CNTNAP5: variants seen among roughly 807,000 people sequenced by gnomAD.
The protein encoded by CNTNAP5 is contactin associated protein family member 5.
In CNTNAP5, 72 loss-of-function variants were observed where a neutral mutation model predicts 150.2. The ratio of observed to expected loss-of-function variants is 0.48; its 90% CI spans 0.40 to 0.58. The LOEUF (loss-of-function observed/expected upper bound fraction) is 0.58. CNTNAP5 is among the 20% of genes least tolerant of loss of function. The probability of loss-of-function intolerance (pLI) is 0.00; values close to 1 mark genes in which losing one functional copy is unlikely to be tolerated. For missense variants in CNTNAP5, 1,636 were observed against 1,626.2 expected, an observed-to-expected ratio of 1.01 and a Z score of -0.10; for synonymous variants, 672 against 619.8, an observed-to-expected ratio of 1.08 and a Z score of -1.25.
At chr2:124,089,597 G>C (rs1043984015) in intron 1 of CNTNAP5, among the ~76,000 whole-genome samples, 1 of 152,178 alleles carries the variant, frequency 6.6e-6, no homozygotes, top group Admixed American at 6.5e-5. Flanking sequence ...TAGAATACTT[G>C]TGTGAGGTTA....
intron 1 of CNTNAP5, among the ~76,000 whole-genome samples, chr2:124,095,882 C>T (rs192634621): frequency 5.3e-5 from 8 of 152,198 alleles, no homozygotes; most frequent in Non-Finnish European, 2.9e-5. Flanking sequence ...CTTTAACACT[C>T]TTATGAGATA....
chr2:124,188,805 C>T (rs758900828), intron 1 of CNTNAP5, among the ~76,000 whole-genome samples: 16 of 149,938 alleles, frequency 1.1e-4, no homozygotes, highest in Non-Finnish European at 1.9e-4. Context: ...GAATTAGAGA[C>T]GGAGGGTTAT....
At chr2:124,068,874 G>T (rs1331479028) in intron 1 of CNTNAP5, among the ~76,000 whole-genome samples, 1 of 151,944 alleles carries the variant, frequency 6.6e-6, no homozygotes, top group African/African-American at 2.4e-5. Context: ...GGAACGATCT[G>T]GTCCTGGAGG....
chr2:124,781,018 C>T (rs1052893368), intron 17 of CNTNAP5, among the ~76,000 whole-genome samples: 6 of 152,224 alleles, frequency 3.9e-5, no homozygotes, highest in African/African-American at 7.2e-5. Flanking sequence ...GTGGGTGCTT[C>T]GGTGGAGTTT....
intron 23 of CNTNAP5, among the ~76,000 whole-genome samples, chr2:124,912,322 C>T (rs930630415): frequency 1.3e-5 from 2 of 152,052 alleles, no homozygotes. Flanking sequence ...ATGGCGTTTT[C>T]CTTTTAAAAA....
intron 18 of CNTNAP5, among the ~76,000 whole-genome samples, chr2:124,792,237 T>A (rs892550001): frequency 3.3e-5 from 5 of 152,196 alleles, no homozygotes; most frequent in Non-Finnish European, 7.3e-5. Flanking sequence ...TTTCTCATAA[T>A]GATACGAAGA....
intron 1 of CNTNAP5, among the ~76,000 whole-genome samples, chr2:124,084,283 T>C (rs79174436): frequency 2.0e-5 from 3 of 151,882 alleles, no homozygotes; most frequent in South Asian, 2.1e-4. Context: ...TTTTTTTTTT[T>C]CCTCACAGCG....
intron 1 of CNTNAP5, among the ~76,000 whole-genome samples, chr2:124,037,455 G>A (rs1367691230): frequency 6.6e-6 from 1 of 151,032 alleles, no homozygotes; most frequent in Non-Finnish European, 1.5e-5. Context: ...GCAGATTAAT[G>A]GATAAAAAGT....
chr2:124,436,348 G>C (rs1692531429), intron 5 of CNTNAP5, among the ~76,000 whole-genome samples: 1 of 152,062 alleles, frequency 6.6e-6, no homozygotes, highest in Admixed American at 6.6e-5. Context: ...GCATAGGTGT[G>C]GTCATGTAAC....
chr2:124,242,760 A>T (rs966679491), intron 3 of CNTNAP5, among the ~76,000 whole-genome samples: 1 of 152,202 alleles, frequency 6.6e-6, no homozygotes, highest in Admixed American at 6.6e-5. Flanking sequence ...TTAGTTTATT[A>T]TATGCCAGGC....
chr2:124,638,930 G>A (rs933276454), intron 12 of CNTNAP5, among the ~76,000 whole-genome samples: 3 of 152,178 alleles, frequency 2.0e-5, no homozygotes, highest in African/African-American at 7.2e-5. Flanking sequence ...ACCTATGGAT[G>A]TGTATTTAAT....
At chr2:124,356,618 C>T (rs1235293716) in intron 3 of CNTNAP5, among the ~76,000 whole-genome samples, 1 of 151,994 alleles carries the variant, frequency 6.6e-6, no homozygotes, top group Non-Finnish European at 1.5e-5. Flanking sequence ...CATCCATGTC[C>T]CTACAAAGGA....
intron 17 of CNTNAP5, among the ~76,000 whole-genome samples, chr2:124,784,784 C>CT (rs1681528893): frequency 6.6e-6 from 1 of 152,164 alleles, no homozygotes; most frequent in African/African-American, 2.4e-5. Flanking sequence ...TGACTCCAGG[C>CT]TTTGCCACAT....
chr2:124,200,003 A>G (rs1685681707), intron 1 of CNTNAP5, among the ~76,000 whole-genome samples: 2 of 152,086 alleles, frequency 1.3e-5, no homozygotes, highest in South Asian at 4.2e-4. Context: ...CCTCATTTGC[A>G]ATGTCAAGTG....
At chr2:124,046,265 T>A (rs1293056209) in intron 1 of CNTNAP5, among the ~76,000 whole-genome samples, 1 of 152,090 alleles carries the variant, frequency 6.6e-6, no homozygotes, top group Non-Finnish European at 1.5e-5. Context: ...AAGGAAAACT[T>A]CAGAGATGTC....
chr2:124,491,639 AC>A (rs1193775975), intron 7 of CNTNAP5, among the ~76,000 whole-genome samples: 6 of 152,096 alleles, frequency 3.9e-5, no homozygotes, highest in African/African-American at 1.4e-4. Flanking sequence ...TGGCAGATCT[AC>A]CTTTTGGTTT....
intron 3 of CNTNAP5, among the ~76,000 whole-genome samples, chr2:124,370,853 T>C (rs991285922): frequency 6.6e-6 from 1 of 152,166 alleles, no homozygotes; most frequent in Non-Finnish European, 1.5e-5. Flanking sequence ...ATTTATTTCA[T>C]AAAACTTTTA....
In CNTNAP5 at chr2:124,194,439, G is replaced by C. The variant is rs1178908947; in HGVS notation, c.83-27266G>C. 2.1e-5 allele frequency among the ~76,000 whole-genome samples: 3 copies of C among 143,488 alleles called. No homozygotes were observed. In the East Asian group the frequency reaches 6.4e-4, roughly 30 times the overall value. 94.1% of individuals were successfully genotyped at this position (143,488 alleles called of 152,430 possible). A position where few individuals can be genotyped will look rare whatever the true frequency, so the allele number is the denominator to read the frequency against. On this transcript the variant is annotated intron_variant, in intron 1 of 23. Coordinates refer to ENST00000682447, the MANE Select transcript of CNTNAP5 (RefSeq NM_001367498.1). ...TATAAATAGGTGTGCTGTATGTTCA[G>C]GTAATGCAATGAGGCCTGTTTTCTC... is the stretch of plus-strand genomic sequence containing the variant.
chr2:124,472,185 T>C (rs1397297261), intron 6 of CNTNAP5, among the ~76,000 whole-genome samples: 2 of 152,066 alleles, frequency 1.3e-5, no homozygotes, highest in Non-Finnish European at 2.9e-5. Context: ...ACTCACAATG[T>C]AGTAATATAA....
Sources: allele counts gnomAD v4.1 joint callset (sites outside exome capture counted in the v4.1 genomes callset), GRCh38; gene constraint gnomAD v4.1.1; transcripts MANE v1.5; gene names NCBI Gene and HGNC (gene_info 2026-07-23, HGNC 2026-07-21).